Variants in RSRC2 observed in about 807,000 individuals in gnomAD.
The protein encoded by RSRC2 is arginine/serine-rich coiled-coil protein 2.
In RSRC2, 5 loss-of-function variants were observed where a neutral mutation model predicts 61.3. The ratio of observed to expected loss-of-function variants is 0.08; its 90% CI spans 0.04 to 0.17. RSRC2 has a LOEUF of 0.17. RSRC2 is among the 10% of genes least tolerant of loss of function. The pLI is 1.00. For synonymous variants in RSRC2, 202 were observed against 166.5 expected, an observed-to-expected ratio of 1.21 and a Z score of -1.64; for missense variants, 381 against 518.8, an observed-to-expected ratio of 0.73 and a Z score of 2.58.
At chr12:122,517,871 C>T (rs1350238941) in intron 4 of RSRC2, among the ~76,000 whole-genome samples, 2 of 152,118 alleles carry the variant, frequency 1.3e-5, no homozygotes, top group Non-Finnish European at 2.9e-5. Context: ...TATACTCCAA[C>T]ATTAAAAAAA....
intron 8 of RSRC2, among the ~76,000 whole-genome samples, chr12:122,507,688 G>A (rs1392312102): frequency 6.7e-6 from 1 of 149,952 alleles, no homozygotes; most frequent in African/African-American, 2.5e-5. Context: ...TTGAGACAGG[G>A]TCTCACCCAG....
chr12:122,508,718 A>C (rs1038096104), intron 7 of RSRC2, among the ~76,000 whole-genome samples: 1 of 152,212 alleles, frequency 6.6e-6, no homozygotes, highest in East Asian at 1.9e-4. Flanking sequence ...GCACTTTGGG[A>C]GGCTGAGGTG....
At chr12:122,508,746 TG>T (rs1180976482) in intron 7 of RSRC2, among the ~76,000 whole-genome samples, 1 of 151,396 alleles carries the variant, frequency 6.6e-6, no homozygotes, top group Non-Finnish European at 1.5e-5. Flanking sequence ...CACCTGAGGT[TG>T]GGAGTTCGAG....
At chr12:122,507,831 G>C in intron 8 of RSRC2, 1 of 229,230 alleles carries the variant, frequency 4.4e-6, no homozygotes, top group Non-Finnish European at 8.8e-6. Context: ...GATTACAGGT[G>C]CCCACCACCA....
chr12:122,525,722 T>C (rs544396667), intron 1 of RSRC2, among the ~76,000 whole-genome samples: 7 of 151,984 alleles, frequency 4.6e-5, no homozygotes, highest in African/African-American at 1.4e-4. Context: ...CCGTCAGAAT[T>C]GGGTATCTTA....
At chr12:122,511,640 A>G (rs1958519510) in intron 6 of RSRC2, among the ~76,000 whole-genome samples, 1 of 152,238 alleles carries the variant, frequency 6.6e-6, no homozygotes, top group Non-Finnish European at 1.5e-5. Context: ...CTTCAATTTA[A>G]TAAAAATCAA....
chr12:122,520,422 T>C (rs1959180510), intron 3 of RSRC2: 1 of 810,076 alleles, frequency 1.2e-6, no homozygotes, highest in Admixed American at 2.1e-5. Context: ...AACATTACTA[T>C]TAATTTAAAA....
At chr12:122,511,474 G>A (rs558838549) in intron 6 of RSRC2, among the ~76,000 whole-genome samples, 10 of 152,234 alleles carry the variant, frequency 6.6e-5, no homozygotes, top group Non-Finnish European at 1.5e-4. Flanking sequence ...AAAAAATTAC[G>A]TCTTGCAAGT....
chr12:122,510,795 C>A (rs1958446303), intron 7 of RSRC2, among the ~76,000 whole-genome samples: 1 of 152,126 alleles, frequency 6.6e-6, no homozygotes, highest in Non-Finnish European at 1.5e-5. Flanking sequence ...GCCTGCAATC[C>A]CAGCACTTTG....
intron 1 of RSRC2, among the ~76,000 whole-genome samples, chr12:122,525,567 G>A (rs1960056314): frequency 2.6e-5 from 4 of 152,126 alleles, no homozygotes; most frequent in Admixed American, 2.6e-4. Flanking sequence ...GTTAGGAAGA[G>A]CAAACTTTAA....
intron 2 of RSRC2, among the ~76,000 whole-genome samples, chr12:122,521,844 T>C (rs544512151): frequency 6.6e-6 from 1 of 152,212 alleles, no homozygotes; most frequent in Non-Finnish European, 1.5e-5. Flanking sequence ...CTACTAAAAA[T>C]ACAAAAATAA....
At position 122,519,137 on chromosome 12, in the gene RSRC2, G is replaced by A. The variant is rs549591300; in HGVS notation, c.208-108C>T. On this transcript the variant is annotated intron_variant, in intron 3 of 9. Transcript: ENST00000331738. ...TGATGCAACATTAGTAACCTTAGGA[G>A]TGTGTGGCAAATAAAAAAAAGATCT... 1.5e-5 allele frequency: 12 copies of A among 796,274 alleles called. 1 individual carries two copies. In the South Asian group the frequency reaches 1.9e-4, roughly 12 times the overall value. 49.3% of individuals were successfully genotyped at this position (796,274 alleles called of 1,614,324 possible). A position where few individuals can be genotyped will look rare whatever the true frequency, so the allele number is the denominator to read the frequency against.
chr12:122,506,487 T>C (rs1191011775), intron 9 of RSRC2: 5 of 199,964 alleles, frequency 2.5e-5, no homozygotes, highest in African/African-American at 4.6e-5. Context: ...GGCTCAGAAC[T>C]GTGATCCAGG....
intron 5 of RSRC2, 99 bp downstream of exon 5, chr12:122,517,128 T>C (rs1348294803): frequency 6.5e-7 from 1 of 1,541,458 alleles, no homozygotes; most frequent in East Asian, 2.3e-5. Flanking sequence ...AATCTATAAA[T>C]AGAATTGTGA....
intron 7 of RSRC2, among the ~76,000 whole-genome samples, chr12:122,510,203 C>T (rs974441515): frequency 6.6e-6 from 1 of 152,146 alleles, no homozygotes; most frequent in African/African-American, 2.4e-5. Context: ...CAGATCAGTT[C>T]ACTTTCTTGC....
At chr12:122,521,280 C>A in intron 3 of RSRC2, 105 bp downstream of exon 3, 1 of 770,002 alleles carries the variant, frequency 1.3e-6, no homozygotes, top group East Asian at 2.6e-5. Context: ...TTTTAAATTT[C>A]AAGTTTTGTA....
At chr12:122,510,989 C>T (rs1452333662) in intron 7 of RSRC2, 120 bp downstream of exon 7, 18 of 681,198 alleles carry the variant, frequency 2.6e-5, no homozygotes, top group South Asian at 2.3e-4. Context: ...TTTGAGGCTA[C>T]CATGCGCTAT....
At chr12:122,523,762 A>G (rs1959607923) in intron 1 of RSRC2, 1 of 152,250 alleles carries the variant, frequency 6.6e-6, no homozygotes, top group South Asian at 2.1e-4. Context: ...TATCAAGTAC[A>G]ATAAATGGGT....
rs1958017233 is a variant in RSRC2 at position 122,504,741 on chromosome 12, T to G, written c.*786A>C. On this transcript the variant is annotated 3_prime_UTR_variant, in exon 10 of 10. Transcript: ENST00000331738. ...TGCAAAGAACTTGTTATAAGGCACT[T>G]TATTAAAATAAAAGTGCTTACATCC... The G allele has an allele frequency of 6.6e-6, 1 of 152,658 alleles. No homozygotes were observed. The allele number at this position is 152,658 out of a possible 1,614,324, so 9.5% of individuals were successfully genotyped here. A position where few individuals can be genotyped will look rare whatever the true frequency, so the allele number is the denominator to read the frequency against.
Sources: gnomAD v4.1 joint callset for allele counts (sites outside exome capture counted in the v4.1 genomes callset) on GRCh38, gnomAD v4.1.1 for gene constraint, MANE v1.5 for transcripts, NCBI Gene and HGNC (gene_info 2026-07-23, HGNC 2026-07-21) for gene names.